SEPTIN9: variants seen among roughly 807,000 people sequenced by gnomAD.
The protein encoded by SEPTIN9 is septin 9, also known as septin-9.
SEPTIN9 carries 13 observed loss-of-function variants against 56.6 expected under a neutral mutation model. The observed-to-expected ratio is 0.23, with a 90% CI of 0.15 to 0.37. The LOEUF is 0.37. Ranked by LOEUF, SEPTIN9 falls within the 10% of genes least tolerant of loss-of-function variation. The pLI is 1.00. For missense variants in SEPTIN9, 650 were observed against 823.1 expected, an observed-to-expected ratio of 0.79 and a Z score of 2.57; for synonymous variants, 332 against 334.1, an observed-to-expected ratio of 0.99 and a Z score of 0.07.
chr17:77,323,537 T>G lies in SEPTIN9; in HGVS notation c.76+16340T>G, dbSNP rs2033019298. On this transcript the variant is annotated intron_variant, in intron 2 of 11. Transcript: ENST00000427177. This position sits in a 1 kb window ranked among gnomAD's most constrained non-coding sequence, Gnocchi z 6.8. ...GCAGGCCCGGGGTCCTGGAGGGGGC[T>G]TGGCCACGCTGTCGCTGGACGTCTG... Among the ~76,000 whole-genome samples the G allele has an allele frequency of 6.6e-6, 1 of 152,122 alleles. No individual in the cohort carries two copies. The highest frequency in any genetic ancestry group is 1.5e-5 in the Non-Finnish European group (1 of 68,020).
At chr17:77,420,932 T>A (rs2036679665) in intron 3 of SEPTIN9, among the ~76,000 whole-genome samples, 2 of 152,202 alleles carry the variant, frequency 1.3e-5, no homozygotes, top group Admixed American at 6.5e-5. Context: ...ATTTTCCAGA[T>A]TAGGAAATCA....
intron 3 of SEPTIN9, among the ~76,000 whole-genome samples, chr17:77,440,746 C>G (rs1008735198): frequency 6.6e-6 from 1 of 152,266 alleles, no homozygotes; most frequent in Non-Finnish European, 1.5e-5. Context: ...ACTTGTCACT[C>G]TCCTCGCTGA....
At chr17:77,342,869 G>T (rs942752726) in intron 2 of SEPTIN9, among the ~76,000 whole-genome samples, 4 of 152,150 alleles carry the variant, frequency 2.6e-5, no homozygotes, top group African/African-American at 9.7e-5. Flanking sequence ...AGCTACTTGG[G>T]AGGTTGAGGT....
At position 77,326,238 on chromosome 17, in the gene SEPTIN9, G is replaced by A. The variant is rs2033135470; in HGVS notation, c.76+19041G>A. Reference sequence around the variant, plus strand: ...CTCATTCATTCATTCAGCATTGGGTGCTCCCTGTGGACTTGGCGCTGGGGT... The same window carrying A: ...CTCATTCATTCATTCAGCATTGGGTACTCCCTGTGGACTTGGCGCTGGGGT... On this transcript the variant is annotated intron_variant, in intron 2 of 11. Coordinates refer to ENST00000427177, the MANE Select transcript of SEPTIN9 (RefSeq NM_001113491.2). This position sits in a 1 kb window ranked among gnomAD's most constrained non-coding sequence, Gnocchi z 5.1. Among the ~76,000 whole-genome samples the A allele has an allele frequency of 6.6e-6, 1 of 152,238 alleles. No homozygotes were observed. The highest frequency in any genetic ancestry group is 2.1e-4 in the South Asian group (1 of 4,828).
At chr17:77,322,730 G>A (rs1429197342) in intron 2 of SEPTIN9, 2 of 152,324 alleles carry the variant, frequency 1.3e-5, no homozygotes, top group African/African-American at 2.4e-5. Context: ...GGGTTTCTGC[G>A]CGTGTCCTGA....
rs1165215175 is a variant in SEPTIN9 at position 77,498,710 on chromosome 17, C to CT, written c.*52_*53insT. ...CTGCCCCCAAGTCATTTCCGTCCCC[C>CT]CCCAGGCCCTCCCACCACCCCATTT... is the stretch of plus-strand genomic sequence containing the variant. On this transcript the variant is annotated 3_prime_UTR_variant, in exon 12 of 12. Coordinates refer to ENST00000427177, the MANE Select transcript of SEPTIN9 (RefSeq NM_001113491.2). The CT allele has an allele frequency of 2.6e-6, 3 of 1,173,974 alleles. No homozygotes were observed. Among genetic ancestry groups the CT allele is most frequent in the South Asian group, 2.6e-5 (2 of 76,634 alleles). 72.7% of individuals were successfully genotyped at this position (1,173,974 alleles called of 1,614,324 possible). A position where few individuals can be genotyped will look rare whatever the true frequency, so the allele number is the denominator to read the frequency against.
intron 2 of SEPTIN9, among the ~76,000 whole-genome samples, chr17:77,309,443 C>T (rs1357875542): frequency 1.3e-5 from 2 of 152,218 alleles, no homozygotes; most frequent in Admixed American, 6.5e-5. Flanking sequence ...TTTCTCCCTG[C>T]CTCCCTTTTG....
At chr17:77,411,173 TC>T (rs1321268872) in intron 3 of SEPTIN9, among the ~76,000 whole-genome samples, 2 of 152,078 alleles carry the variant, frequency 1.3e-5, no homozygotes, top group African/African-American at 2.4e-5. Context: ...TCTCTCCCAT[TC>T]CCCAACTCTC....
In SEPTIN9 at chr17:77,310,422, G is replaced by A. The variant is rs1290843850; in HGVS notation, c.76+3225G>A. Among the ~76,000 whole-genome samples, 2 of 152,158 alleles carry A rather than the reference G, an allele frequency of 1.3e-5. No homozygotes were observed. The highest frequency in any genetic ancestry group is 2.9e-5 in the Non-Finnish European group (2 of 68,028). ...GCCCTGCCTGTGCCCACAACGTGAC[G>A]GCGTGGAGACTTATCCGTGTAGATC... On this transcript the variant is annotated intron_variant, in intron 2 of 11. Transcript: ENST00000427177. This position sits in a 1 kb window ranked among gnomAD's most constrained non-coding sequence, Gnocchi z 4.7.
intron 2 of SEPTIN9, among the ~76,000 whole-genome samples, chr17:77,346,893 C>G (rs971672281): frequency 2.0e-5 from 3 of 152,140 alleles, no homozygotes; most frequent in African/African-American, 7.2e-5. Context: ...GGATTAGTCC[C>G]TTCTGCCATG....
In SEPTIN9 at chr17:77,310,492, T is replaced by C. The variant is rs2032447487; in HGVS notation, c.76+3295T>C. ...TATTTTGGCAGCTAGCGAGTGTTCCTCTGTGTGGGGAGGCAGAGTTTGCCC... is the reference window on the plus strand; with the variant it reads ...TATTTTGGCAGCTAGCGAGTGTTCCCCTGTGTGGGGAGGCAGAGTTTGCCC... On this transcript the variant is annotated intron_variant, in intron 2 of 11. Coordinates refer to ENST00000427177, the MANE Select transcript of SEPTIN9 (RefSeq NM_001113491.2). The surrounding 1 kb of genome is among the most constrained non-coding windows in gnomAD (Gnocchi z 4.7). 6.6e-6 allele frequency among the ~76,000 whole-genome samples: 1 copy of C among 152,194 alleles called. No individual in the cohort carries two copies. Among genetic ancestry groups the C allele is most frequent in the Non-Finnish European group, 1.5e-5 (1 of 68,038 alleles).
chr17:77,292,507 T>G (rs1408287936), intron 1 of SEPTIN9, among the ~76,000 whole-genome samples: 1 of 151,866 alleles, frequency 6.6e-6, no homozygotes, highest in Non-Finnish European at 1.5e-5. Flanking sequence ...TTTTTTAAAT[T>G]TTTTGAGATG....
At chr17:77,439,608 T>G (rs955234923) in intron 3 of SEPTIN9, among the ~76,000 whole-genome samples, 1 of 151,736 alleles carries the variant, frequency 6.6e-6, no homozygotes, top group Non-Finnish European at 1.5e-5. Flanking sequence ...CTGAGCTGAG[T>G]GGGGATCAGG....
intron 2 of SEPTIN9, among the ~76,000 whole-genome samples, chr17:77,359,173 T>G (rs1309591702): frequency 6.6e-6 from 1 of 152,112 alleles, no homozygotes; most frequent in Non-Finnish European, 1.5e-5. Context: ...GCCGCTCCTG[T>G]CATCAGGGAG....
chr17:77,333,424 G>A (rs144597358), intron 2 of SEPTIN9, among the ~76,000 whole-genome samples: 13 of 152,090 alleles, frequency 8.5e-5, no homozygotes, highest in Non-Finnish European at 1.8e-4. Context: ...ACAAGGTCTC[G>A]CTGTATTGCC....
At chr17:77,466,308 C>A in intron 3 of SEPTIN9, 1 of 842,566 alleles carries the variant, frequency 1.2e-6, no homozygotes, top group Non-Finnish European at 1.4e-6. Context: ...TGGGCGCAGC[C>A]TCAGGAAAGT....
intron 2 of SEPTIN9, among the ~76,000 whole-genome samples, chr17:77,350,724 A>G (rs925541116): frequency 1.3e-5 from 2 of 151,876 alleles, no homozygotes; most frequent in African/African-American, 4.8e-5. Flanking sequence ...CATGTGGGCT[A>G]AAGGAGCAGA....
At position 77,499,188 on chromosome 17, in the gene SEPTIN9, T is replaced by A. The variant is rs1459314414; in HGVS notation, c.*530T>A. 2 of 544,030 alleles carry A rather than the reference T, an allele frequency of 3.7e-6. No individual in the cohort carries two copies. The highest frequency in any genetic ancestry group is 2.2e-5 in the Admixed American group (1 of 45,820). 33.7% of individuals were successfully genotyped at this position (544,030 alleles called of 1,614,324 possible). A position where few individuals can be genotyped will look rare whatever the true frequency, so the allele number is the denominator to read the frequency against. On this transcript the variant is annotated 3_prime_UTR_variant, in exon 12 of 12. Transcript: ENST00000427177. ...GTGGCCATCACTCAGCCCCTACCCC[T>A]GCCCTGCTCCTAAGGGTAGAAAACT...
At chr17:77,440,805 A>G (rs1316874976) in intron 3 of SEPTIN9, among the ~76,000 whole-genome samples, 1 of 152,226 alleles carries the variant, frequency 6.6e-6, no homozygotes, top group Non-Finnish European at 1.5e-5. Context: ...CCAGAGGTTA[A>G]GAAATGGGCC....
Sources: gnomAD v4.1 joint callset for allele counts (sites outside exome capture counted in the v4.1 genomes callset) on GRCh38, gnomAD v4.1.1 for gene constraint, Gnocchi (gnomAD v3.1) non-coding constraint, MANE v1.5 for transcripts, NCBI Gene and HGNC (gene_info 2026-07-23, HGNC 2026-07-21) for gene names.